FBXW10B: variants seen among roughly 807,000 people sequenced by gnomAD.
FBXW10B encodes F-box and WD repeat domain containing 10B.
At chr17:15,575,426 C>A in the FBXW10B span, among the ~76,000 whole-genome samples, 1 of 148,788 alleles carries the variant, frequency 6.7e-6, no homozygotes, top group African/African-American at 2.6e-5. Flanking sequence ...AGACAAAAAT[C>A]TATTAAATTC....
the FBXW10B span, among the ~76,000 whole-genome samples, chr17:15,610,285 G>A: frequency 1.3e-5 from 2 of 151,932 alleles, no homozygotes; most frequent in Non-Finnish European, 2.9e-5. Flanking sequence ...ATCAGAAGCC[G>A]CACTCTCTTA....
the FBXW10B span, chr17:15,588,778 G>T: frequency 2.3e-5 from 19 of 824,722 alleles, no homozygotes; most frequent in Non-Finnish European, 3.4e-5. Flanking sequence ...TTTGTACTTT[G>T]TCAGTGCCGA....
chr17:15,570,736 G>T, the FBXW10B span, among the ~76,000 whole-genome samples: 1 of 152,124 alleles, frequency 6.6e-6, no homozygotes, highest in Non-Finnish European at 1.5e-5. Flanking sequence ...ATCTAGCAAG[G>T]GTATAGAATA....
At chr17:15,586,154 G>A in the FBXW10B span, among the ~76,000 whole-genome samples, 6 of 151,650 alleles carry the variant, frequency 4.0e-5, no homozygotes, top group East Asian at 1.9e-4. Flanking sequence ...TGTTTCTACC[G>A]TTAACCATTG....
chr17:15,605,746 AC>A, the FBXW10B span, among the ~76,000 whole-genome samples: 1 of 152,008 alleles, frequency 6.6e-6, no homozygotes, highest in Admixed American at 6.5e-5. Context: ...GATCACGGAA[AC>A]CTTTTTTCTT....
chr17:15,604,896 C>A, the FBXW10B span, among the ~76,000 whole-genome samples: 1 of 152,348 alleles, frequency 6.6e-6, no homozygotes, highest in East Asian at 1.9e-4. Flanking sequence ...CCATAAAAAA[C>A]CACGTTCCCC....
At chr17:15,616,015 C>T in the FBXW10B span, among the ~76,000 whole-genome samples, 1 of 152,002 alleles carries the variant, frequency 6.6e-6, no homozygotes, top group Non-Finnish European at 1.5e-5. Flanking sequence ...AGCACGCCCC[C>T]ATTGTAAAAT....
At chr17:15,607,535 A>G in the FBXW10B span, 1 of 1,591,884 alleles carries the variant, frequency 6.3e-7, no homozygotes, top group Non-Finnish European at 8.6e-7. Flanking sequence ...GGATAACTCA[A>G]GCGTCCCTAG....
the FBXW10B span, among the ~76,000 whole-genome samples, chr17:15,602,666 G>A: frequency 1.5e-4 from 14 of 91,500 alleles, no homozygotes; most frequent in Non-Finnish European, 2.2e-4. Flanking sequence ...TCTCGCTGTC[G>A]CCCAGGCTGG....
chr17:15,567,321 T>A, the FBXW10B span, among the ~76,000 whole-genome samples: 202 of 151,768 alleles, frequency 1.3e-3, 1 homozygote, highest in African/African-American at 4.4e-3. Flanking sequence ...ATCTTCCCTA[T>A]TCTCCTTGCA....
chr17:15,611,085 G>A, the FBXW10B span, among the ~76,000 whole-genome samples: 4 of 149,274 alleles, frequency 2.7e-5, no homozygotes, highest in Non-Finnish European at 3.0e-5. Context: ...GTGCAGAGGC[G>A]CAATCTCGGC....
chr17:15,603,234 G>T, the FBXW10B span, among the ~76,000 whole-genome samples: 2 of 151,662 alleles, frequency 1.3e-5, no homozygotes, highest in African/African-American at 4.9e-5. Flanking sequence ...TATGAACAAA[G>T]TTAATAGATA....
chr17:15,608,546 C>T, the FBXW10B span, among the ~76,000 whole-genome samples: 4 of 151,928 alleles, frequency 2.6e-5, no homozygotes, highest in Non-Finnish European at 4.4e-5. Context: ...CTCCGCCTCC[C>T]GAGTTCAGGC....
chr17:15,605,923 C>A, the FBXW10B span, among the ~76,000 whole-genome samples: 1 of 145,778 alleles, frequency 6.9e-6, no homozygotes, highest in Non-Finnish European at 1.5e-5. Context: ...ACCTTACTTA[C>A]AATGAGCTTA....
the FBXW10B span, among the ~76,000 whole-genome samples, chr17:15,570,337 A>G: frequency 4.6e-5 from 7 of 152,220 alleles, no homozygotes; most frequent in African/African-American, 1.4e-4. Flanking sequence ...GACTTTGGAT[A>G]GGTAGAGAAT....
At chr17:15,616,724 G>A in the FBXW10B span, among the ~76,000 whole-genome samples, 11 of 151,140 alleles carry the variant, frequency 7.3e-5, no homozygotes, top group Non-Finnish European at 8.8e-5. Context: ...CAGGAGAATG[G>A]CGTGAACCCG....
chr17:15,606,483 C>T, the FBXW10B span, among the ~76,000 whole-genome samples: 1 of 149,954 alleles, frequency 6.7e-6, no homozygotes, highest in African/African-American at 2.5e-5. Flanking sequence ...GCCAAGATTG[C>T]ACCACTGCAG....
chr17:15,578,142 G>T, the FBXW10B span, among the ~76,000 whole-genome samples: 2 of 152,100 alleles, frequency 1.3e-5, no homozygotes, highest in South Asian at 2.1e-4. Flanking sequence ...AATTAGACAC[G>T]TTCACAGAAC....
chr17:15,613,656 A>G, the FBXW10B span: 1 of 1,596,444 alleles, frequency 6.3e-7, no homozygotes, highest in Admixed American at 1.8e-5. Flanking sequence ...CCGTGCGCTG[A>G]CAAGTCCATC....
Sources: allele counts gnomAD v4.1 joint callset (sites outside exome capture counted in the v4.1 genomes callset), GRCh38; gene constraint gnomAD v4.1.1; transcripts MANE v1.5; gene names NCBI Gene and HGNC (gene_info 2026-07-23, HGNC 2026-07-21).